Variants in ERCC5 observed in about 807,000 individuals in gnomAD.
ERCC5 encodes the protein DNA excision repair protein ERCC-5.
In ERCC5, 68 loss-of-function variants were observed where a neutral mutation model predicts 105.6. That is an observed-to-expected ratio of 0.64 (90% CI 0.53 to 0.79). The LOEUF is 0.79. Ranked by LOEUF, ERCC5 falls within the 30% of genes least tolerant of loss-of-function variation. The pLI, the probability that ERCC5 is intolerant of heterozygous loss-of-function variation, is 0.00. For missense variants in ERCC5, 1,373 were observed against 1,426.7 expected, an observed-to-expected ratio of 0.96 and a Z score of 0.61; for synonymous variants, 546 against 526.2, an observed-to-expected ratio of 1.04 and a Z score of -0.51.
In ERCC5 at chr13:102,865,026, GCCT is replaced by G. The variant is rs1882785588; in HGVS notation, c.1955-634_1955-632del. On this transcript the variant is annotated intron_variant, in intron 8 of 14. Coordinates refer to ENST00000652225, the MANE Select transcript of ERCC5 (RefSeq NM_000123.4). The surrounding 1 kb of genome is among the most constrained non-coding windows in gnomAD (Gnocchi z 4.0). ...ATGTAACCATCTCCCCCTCCCACTG[GCCT>G]CCTCCTTGGCCCTGCTCTCTTCTTT... 1 of 154,096 alleles carries G rather than the reference GCCT, an allele frequency of 6.5e-6. No individual in the cohort carries two copies. The highest frequency in any genetic ancestry group is 2.0e-4 in the South Asian group (1 of 4,966). 9.5% of individuals were successfully genotyped at this position (154,096 alleles called of 1,614,324 possible). A position where few individuals can be genotyped will look rare whatever the true frequency, so the allele number is the denominator to read the frequency against.
At chr13:102,856,247 C>CAT in intron 5 of ERCC5, 135 bp downstream of exon 5, 1 of 792,996 alleles carries the variant, frequency 1.3e-6, no homozygotes. Flanking sequence ...TTTGGTTGTG[C>CAT]ATATATATGT....
At position 102,873,320 on chromosome 13, in the gene ERCC5, T is replaced by C; in HGVS notation, c.2941T>C (p.Leu981=). ...GACAGATGAATCTCTGTTTCCTGTA[T>C]TAAAGCAACTCGATGCCCAGCAGGT... is the stretch of plus-strand genomic sequence containing the variant. ...TKTDESLFPV[L]KQLDAQQTQL... Residue 981 remains leucine, a synonymous_variant, in exon 14 of 15, where the codon TTA becomes CTA. Coordinates refer to ENST00000652225, the MANE Select transcript of ERCC5 (RefSeq NM_000123.4). The C allele has an allele frequency of 6.2e-7, 1 of 1,614,152 alleles. No homozygotes were observed. Among genetic ancestry groups the C allele is most frequent in the East Asian group, 2.2e-5 (1 of 44,862 alleles).
At chr13:102,857,813 C>A (rs780453878) in intron 5 of ERCC5, among the ~76,000 whole-genome samples, 9 of 152,302 alleles carry the variant, frequency 5.9e-5, no homozygotes, top group Non-Finnish European at 1.2e-4. Flanking sequence ...GCTCACACAT[C>A]CTCTTTTTAG....
intron 1 of ERCC5, among the ~76,000 whole-genome samples, chr13:102,848,722 T>C (rs1882076118): frequency 6.6e-6 from 1 of 152,218 alleles, no homozygotes; most frequent in South Asian, 2.1e-4. Flanking sequence ...ATTAGACAAG[T>C]CAAATTATAC....
At chr13:102,874,538 T>C (rs930701092) in intron 14 of ERCC5, among the ~76,000 whole-genome samples, 5 of 152,246 alleles carry the variant, frequency 3.3e-5, no homozygotes, top group Admixed American at 6.5e-5. Context: ...TATTTTTTTT[T>C]TGAGACGGAG....
rs142927249 is a variant in ERCC5 at position 102,862,179 on chromosome 13, A to T, written c.1030A>T (p.Thr344Ser). Residue 344 changes from threonine to serine, a missense_variant, in exon 8 of 15, where the codon ACT becomes TCT. By Grantham distance (58) the Thr-to-Ser change is moderately conservative. Coordinates refer to ENST00000652225, the MANE Select transcript of ERCC5 (RefSeq NM_000123.4). The stretch of plus-strand genomic sequence containing the variant: ...TGATGCTACCCCTCCTTCTCCAAGA[A>T]CTTTACTAGCTATGCAAGCTGCCCT... ...EPDATPPSPR[T>S]LLAMQAALLG... 6 of 1,614,096 alleles carry T rather than the reference A, an allele frequency of 3.7e-6. No individual in the cohort carries two copies. Among genetic ancestry groups the T allele is most frequent in the Non-Finnish European group, 5.1e-6 (6 of 1,180,040 alleles).
chr13:102,849,617 T>G (rs1366595832), intron 1 of ERCC5, among the ~76,000 whole-genome samples: 1 of 152,226 alleles, frequency 6.6e-6, no homozygotes, highest in African/African-American at 2.4e-5. Context: ...CAGTGTACAT[T>G]CATTTAAATA....
intron 1 of ERCC5, among the ~76,000 whole-genome samples, chr13:102,851,684 TCATTATA>T (rs773454419): frequency 1.7e-4 from 26 of 152,232 alleles, no homozygotes; most frequent in Non-Finnish European, 3.8e-4. Flanking sequence ...TAAATAACTC[TCATTATA>T]TATCCATGAT....
intron 5 of ERCC5, among the ~76,000 whole-genome samples, chr13:102,857,330 A>G (rs1882462369): frequency 6.6e-6 from 1 of 152,188 alleles, no homozygotes; most frequent in Admixed American, 6.5e-5. Flanking sequence ...TAGCTGTGTG[A>G]TCTTACACAG....
intron 11 of ERCC5, among the ~76,000 whole-genome samples, chr13:102,867,462 G>A (rs1882879897): frequency 6.6e-6 from 1 of 152,188 alleles, no homozygotes; most frequent in African/African-American, 2.4e-5. Context: ...TAGGAAGCAA[G>A]CACTGTAGAT....
rs1882235753 is a variant in ERCC5 at position 102,852,293 on chromosome 13, G to A, written c.264G>A (p.Leu88=). 2 of 1,613,794 alleles carry A rather than the reference G, an allele frequency of 1.2e-6. No individual in the cohort carries two copies. The highest frequency in any genetic ancestry group is 1.7e-6 in the Non-Finnish European group (2 of 1,179,954). The change falls in exon 2 of 15, where the codon TTG becomes TTA. Residue 88 remains leucine (L), a splice_region_variant and synonymous_variant. Transcript: ENST00000652225. ...CTCCACTATTGAAGAAACAGACTTT[G>A]GTAAGTGTCGTATAGTTTTTAGTAA... is the stretch of plus-strand genomic sequence containing the variant. The part of the protein sequence containing the change: ...GDAPLLKKQT[L]VKRRQRKDLA...
chr13:102,871,097 C>T (rs1883015421), intron 12 of ERCC5, among the ~76,000 whole-genome samples: 1 of 152,202 alleles, frequency 6.6e-6, no homozygotes, highest in South Asian at 2.1e-4. Flanking sequence ...TAGGACAGCT[C>T]AGCTGGGCTA....
intron 1 of ERCC5, chr13:102,849,173 C>T: frequency 1.9e-6 from 1 of 518,990 alleles, no homozygotes; most frequent in South Asian, 1.4e-5. Context: ...TGCACATCAA[C>T]ACCAAGTTCT....
intron 12 of ERCC5, 22 bp downstream of exon 12, chr13:102,868,279 A>G (rs1283133844): frequency 6.2e-7 from 1 of 1,614,126 alleles, no homozygotes; most frequent in Admixed American, 1.7e-5. Flanking sequence ...TATTTCTTTA[A>G]TTTGGATAAT....
rs143419119 is a variant in ERCC5 at position 102,862,000 on chromosome 13, A to G, written c.881-30A>G. On this transcript the variant is annotated intron_variant, in intron 7 of 14. Transcript: ENST00000652225. ...GCGTATTGTCACACTGTAAAACTGAATGGTGAGAAGTGTTTTAATTCTTCT... is the reference window on the plus strand; with the variant it reads ...GCGTATTGTCACACTGTAAAACTGAGTGGTGAGAAGTGTTTTAATTCTTCT... 1,172 of 1,612,786 alleles carry G rather than the reference A, an allele frequency of 7.3e-4. 8 individuals are homozygous for G. The African/African-American group carries it at 9.8e-3, about 13-fold the overall frequency.
At chr13:102,859,233 G>A (rs957587872) in intron 6 of ERCC5, among the ~76,000 whole-genome samples, 8 of 152,202 alleles carry the variant, frequency 5.3e-5, no homozygotes, top group African/African-American at 1.2e-4. Context: ...GGACAGAATC[G>A]AAATTTTGCA....
rs557164121 is a variant in ERCC5, at chr13:102,873,873, A to G, written c.2964+530A>G. Among the ~76,000 whole-genome samples, 95 of 152,346 alleles carry G rather than the reference A, an allele frequency of 6.2e-4. 1 individual carries two copies. The highest frequency in any genetic ancestry group is 3.4e-3 in the Middle Eastern group (1 of 294). On this transcript the variant is annotated intron_variant, in intron 14 of 14. Transcript: ENST00000652225. ...TATCTGTGAGTATGTTCTGACTCAC[A>G]CAAAACAAGCTTTCGCCCACACTAG...
intron 1 of ERCC5, among the ~76,000 whole-genome samples, chr13:102,848,674 C>A (rs536968101): frequency 7.9e-5 from 12 of 152,122 alleles, no homozygotes; most frequent in African/African-American, 2.4e-4. Context: ...ACTTTTCTGT[C>A]CGCAGAAATT....
intron 14 of ERCC5, among the ~76,000 whole-genome samples, chr13:102,874,035 G>A (rs1420636968): frequency 3.9e-5 from 6 of 152,152 alleles, no homozygotes; most frequent in South Asian, 4.1e-4. Flanking sequence ...AACTAAGACA[G>A]CATTTCTATG....
Sources: gnomAD v4.1 joint callset for allele counts (sites outside exome capture counted in the v4.1 genomes callset) on GRCh38, gnomAD v4.1.1 for gene constraint, Gnocchi (gnomAD v3.1) non-coding constraint, MANE v1.5 for transcripts, NCBI Gene and HGNC (gene_info 2026-07-23, HGNC 2026-07-21) for gene names.